Variants in KATNA1 observed in about 807,000 individuals in gnomAD.
KATNA1 encodes katanin catalytic subunit A1.
Under a neutral mutation model 62.6 loss-of-function variants are expected in KATNA1, and 42 were observed. That is an observed-to-expected ratio of 0.67 (90% CI 0.52 to 0.87). The LOEUF is 0.87. KATNA1 is among the 40% of genes least tolerant of loss of function. The probability of loss-of-function intolerance (pLI) is 0.00; values close to 1 mark genes in which losing one functional copy is unlikely to be tolerated. For synonymous variants in KATNA1, 186 were observed against 201.9 expected (o/e 0.92, Z 0.67); for missense variants, 498 against 612.5 (o/e 0.81, Z 1.97).
At chr6:149,633,241 G>A (rs1056275396) in intron 2 of KATNA1, among the ~76,000 whole-genome samples, 2 of 151,126 alleles carry the variant, frequency 1.3e-5, no homozygotes, top group Non-Finnish European at 2.9e-5. Flanking sequence ...CCGAGTAGCT[G>A]GGACTACAGG....
chr6:149,598,231 C>G lies in KATNA1; in HGVS notation c.1008G>C (p.Gln336His). 1.2e-6 allele frequency: 2 copies of G among 1,613,960 alleles called. No individual in the cohort carries two copies. Among genetic ancestry groups the G allele is most frequent in the Non-Finnish European group, 1.7e-6 (2 of 1,179,964 alleles). The change falls in exon 8 of 11, where the codon CAG (glutamine) becomes CAC (histidine). Residue 336 changes from glutamine to histidine, a missense_variant. Physicochemically the swap from Gln to His is conservative, Grantham distance 24. This residue lies in a region of KATNA1 where 267 missense variants were observed against 372.6 expected (regional missense o/e 0.72). Coordinates refer to ENST00000367411, the MANE Select transcript of KATNA1 (RefSeq NM_007044.4). ...CAAGCTAAACACAGATACCATCCAT[C>G]TGAACCAGCAGCTCCGCTTTCACCC... ...SRRVKAELLVQMDGVGGTSEN... is the reference protein window; with the variant it reads ...SRRVKAELLVHMDGVGGTSEN...
Position 149,638,578 on chromosome 6 carries a change from AAAAG to A in KATNA1, c.-13-22_-13-19del. The A allele has an allele frequency of 6.5e-7, 1 of 1,546,326 alleles. No homozygotes were observed. The highest frequency in any genetic ancestry group is 2.2e-5 in the East Asian group (1 of 44,524). ...ACTGTAAGCTAAAAAGAAGAAGAAA[AAAAG>A]AAACACTTTAGGTTTACATGTCTCT... On this transcript the variant is annotated intron_variant, in intron 1 of 10. Coordinates refer to ENST00000367411, the MANE Select transcript of KATNA1 (RefSeq NM_007044.4).
intron 4 of KATNA1, among the ~76,000 whole-genome samples, chr6:149,609,788 G>A (rs927515992): frequency 1.8e-5 from 1 of 55,376 alleles, no homozygotes; most frequent in South Asian, 5.6e-4. Context: ...GGGCGACAGA[G>A]CTAGACTCCA....
intron 1 of KATNA1, among the ~76,000 whole-genome samples, chr6:149,639,048 T>C (rs530905971): frequency 6.6e-6 from 1 of 150,864 alleles, no homozygotes; most frequent in South Asian, 2.1e-4. Flanking sequence ...CTCAAAGAAA[T>C]ATTTTATTTA....
chr6:149,645,057 T>C (rs1780429264), intron 1 of KATNA1, among the ~76,000 whole-genome samples: 2 of 152,240 alleles, frequency 1.3e-5, no homozygotes, highest in Non-Finnish European at 2.9e-5. Flanking sequence ...TTCAACAATA[T>C]ATCTTTATCA....
intron 4 of KATNA1, among the ~76,000 whole-genome samples, chr6:149,605,808 G>A (rs114893581): frequency 0.016 from 2,491 of 151,818 alleles, 65 homozygotes; most frequent in African/African-American, 0.057. Flanking sequence ...TCACTCTGTC[G>A]CCCAGGCTAG....
intron 10 of KATNA1, 91 bp downstream of exon 10, chr6:149,596,972 G>A: frequency 7.6e-7 from 1 of 1,320,908 alleles, no homozygotes; most frequent in Non-Finnish European, 1.1e-6. Context: ...CTAGGCAACA[G>A]AGCGAGACTG....
chr6:149,627,427 G>T (rs562855488), intron 3 of KATNA1, among the ~76,000 whole-genome samples: 1 of 150,502 alleles, frequency 6.6e-6, no homozygotes, highest in Non-Finnish European at 1.5e-5. Flanking sequence ...TTAGCTGGGC[G>T]TGGTGGTGCA....
intron 1 of KATNA1, among the ~76,000 whole-genome samples, chr6:149,641,170 TG>T (rs1353264619): frequency 2.8e-4 from 38 of 137,564 alleles, no homozygotes; most frequent in East Asian, 1.0e-3. Context: ...GCACCTGGTC[TG>T]GCCTCGGGTT....
rs546727842 is a variant in KATNA1 at position 149,618,541 on chromosome 6, G to A, written c.501+4562C>T. Among the ~76,000 whole-genome samples the A allele has an allele frequency of 5.9e-5, 9 of 152,158 alleles. No homozygotes were observed. The South Asian group carries it at 1.9e-3, about 32-fold the overall frequency. On this transcript the variant is annotated intron_variant, in intron 4 of 10. Transcript: ENST00000367411. ...ACAAAAGACTCCAAAGAGATCCTGA[G>A]CAAAAGGAACAAAGTTGGAGACATC...
intron 4 of KATNA1, among the ~76,000 whole-genome samples, chr6:149,621,488 A>G (rs558191260): frequency 6.6e-6 from 1 of 151,296 alleles, no homozygotes; most frequent in Admixed American, 6.6e-5. Context: ...GCCTGCCAAA[A>G]ATGAATAATT....
intron 7 of KATNA1, among the ~76,000 whole-genome samples, chr6:149,600,166 A>T (rs536783133): frequency 2.0e-5 from 3 of 146,392 alleles, no homozygotes; most frequent in African/African-American, 7.7e-5. Context: ...CTGCACTACA[A>T]CCTGTGCAAT....
At chr6:149,597,015 C>T in intron 10 of KATNA1, 48 bp downstream of exon 10, 1 of 1,595,854 alleles carries the variant, frequency 6.3e-7, no homozygotes, top group East Asian at 2.2e-5. Flanking sequence ...AAACTTCATA[C>T]TAGAAGTTTA....
chr6:149,642,820 T>C (rs1780343331), intron 1 of KATNA1, among the ~76,000 whole-genome samples: 1 of 152,134 alleles, frequency 6.6e-6, no homozygotes, highest in African/African-American at 2.4e-5. Flanking sequence ...GAGGAAAATA[T>C]GTGAGTGGAG....
chr6:149,595,674 C>A lies in KATNA1; in HGVS notation c.1278-440G>T, dbSNP rs73781247. On this transcript the variant is annotated intron_variant, in intron 10 of 10. Transcript: ENST00000367411. The stretch of plus-strand genomic sequence containing the variant: ...TCTCATTTGTGTTAAAAAAAAAAAA[C>A]AAAACTTCAGATTCAAACAGCTCTT... Among the ~76,000 whole-genome samples, 665 of 149,864 alleles carry A rather than the reference C, an allele frequency of 4.4e-3. 4 individuals are homozygous for A. The highest frequency in any genetic ancestry group is 0.015 in the African/African-American group (616 of 40,748).
intron 1 of KATNA1, among the ~76,000 whole-genome samples, chr6:149,648,075 A>C (rs1780554970): frequency 6.6e-6 from 1 of 152,194 alleles, no homozygotes; most frequent in East Asian, 1.9e-4. Context: ...AACAAATTTT[A>C]AGAAAAGAAG....
intron 3 of KATNA1, among the ~76,000 whole-genome samples, chr6:149,629,040 G>A (rs187849728): frequency 6.6e-6 from 1 of 152,198 alleles, no homozygotes; most frequent in African/African-American, 2.4e-5. Flanking sequence ...AAGAAAGCGA[G>A]AAGCAATAAG....
Position 149,597,975 on chromosome 6 carries a change from G to C in KATNA1, c.1015+249C>G, listed in dbSNP as rs73781250. The C allele has an allele frequency of 1.4e-3, 690 of 483,788 alleles. 4 individuals carry two copies. The highest frequency in any genetic ancestry group is 0.012 in the African/African-American group (627 of 50,626). 30.0% of individuals were successfully genotyped at this position (483,788 alleles called of 1,614,324 possible). ...TATTTCAATTTCATAGCTAAAGTAA[G>C]ATAGTTGTATATACCAAAAGGGTGC... On this transcript the variant is annotated intron_variant, in intron 8 of 10. Transcript: ENST00000367411.
chr6:149,642,852 A>C (rs1032393314), intron 1 of KATNA1, among the ~76,000 whole-genome samples: 1 of 152,162 alleles, frequency 6.6e-6, no homozygotes, highest in Non-Finnish European at 1.5e-5. Flanking sequence ...GACAAGTAGG[A>C]GAGAAACAAA....
Sources: gnomAD v4.1 joint callset for allele counts (sites outside exome capture counted in the v4.1 genomes callset) on GRCh38, gnomAD v4.1.1 for gene constraint, gnomAD v4.1.1 regional missense constraint, MANE v1.5 for transcripts, NCBI Gene and HGNC (gene_info 2026-07-23, HGNC 2026-07-21) for gene names.